Variants in UBN1 observed in about 807,000 individuals in gnomAD.
UBN1 encodes ubinuclein-1.
Under a neutral mutation model 108.5 loss-of-function variants are expected in UBN1, and 17 were observed. The observed-to-expected ratio is 0.16, with a 90% CI of 0.11 to 0.24. The LOEUF is 0.24. UBN1 is among the 10% of genes least tolerant of loss of function. The probability of loss-of-function intolerance (pLI) is 1.00; values close to 1 mark genes in which losing one functional copy is unlikely to be tolerated. For missense variants in UBN1, 1,595 were observed against 1,394.4 expected (o/e 1.14, Z -2.29); for synonymous variants, 726 against 564.2 (o/e 1.29, Z -4.07).
rs768175926 is a variant in UBN1, at chr16:4,853,260, C to A, written c.249+94C>A. 4.6e-5 allele frequency: 69 copies of A among 1,506,840 alleles called. No individual in the cohort carries two copies. In the African/African-American group the frequency reaches 8.3e-4, roughly 18 times the overall value. 93.3% of individuals were successfully genotyped at this position (1,506,840 alleles called of 1,614,324 possible). A position where few individuals can be genotyped will look rare whatever the true frequency, so the allele number is the denominator to read the frequency against. On this transcript the variant is annotated intron_variant, in intron 2 of 17. Coordinates refer to ENST00000262376, the MANE Select transcript of UBN1 (RefSeq NM_001079514.3). The stretch of plus-strand genomic sequence containing the variant: ...TCCGTAGCGGGGAAGCAAGACTTAA[C>A]TGAGGTTTTGGCTGCCCCAAGATCC...
At chr16:4,859,718 C>T (rs2086973036) in intron 5 of UBN1, 147 bp from the exon 6 acceptor site, 6 of 1,374,838 alleles carry the variant, frequency 4.4e-6, no homozygotes, top group Admixed American at 5.5e-5. Flanking sequence ...GGTTTGTGGT[C>T]CAGGGACTGA....
rs777720938 is a variant in UBN1, at chr16:4,870,981, A to G, written c.1559+9A>G. On this transcript the variant is annotated intron_variant, in intron 11 of 17. Transcript: ENST00000262376. ...TGGAATGATGAGATCAGGTGTGCCC[A>G]CACTGGGACTTGGCCTCTTTGGAGG... The G allele has an allele frequency of 1.1e-5, 18 of 1,613,810 alleles. No individual in the cohort carries two copies. The East Asian group carries it at 3.8e-4, about 34-fold the overall frequency.
At chr16:4,864,456 C>T (rs2087224983) in intron 7 of UBN1, among the ~76,000 whole-genome samples, 1 of 152,194 alleles carries the variant, frequency 6.6e-6, no homozygotes, top group Non-Finnish European at 1.5e-5. Flanking sequence ...GCCTCTGCCA[C>T]GTTCACTACA....
rs371976617 is a variant in UBN1 at position 4,874,435 on chromosome 16, C to T, written c.2025C>T (p.Ala675=). 2.3e-5 allele frequency: 37 copies of T among 1,613,964 alleles called. No homozygotes were observed. The highest frequency in any genetic ancestry group is 1.3e-4 in the African/African-American group (10 of 74,900). The change falls in exon 15 of 18, where the codon GCC becomes GCT. Residue 675 remains alanine, a synonymous_variant. Transcript: ENST00000262376. ...GCAATCCAGCCTCCTCGGTGGAAGC[C>T]GTGTCCAAGGAATTGGCTGCATTGA... ...LIRNPASSVE[A]VSKELAALNS... is the part of the protein sequence containing the mutation.
At chr16:4,873,417 T>G (rs539316339) in intron 14 of UBN1, among the ~76,000 whole-genome samples, 50 of 152,296 alleles carry the variant, frequency 3.3e-4, no homozygotes, top group African/African-American at 1.2e-3. Context: ...CAAGTGCAGT[T>G]TAGCTTGGAG....
rs776872588 is a variant in UBN1 at position 4,875,054 on chromosome 16, G to T, written c.2644G>T (p.Ala882Ser). The T allele has an allele frequency of 1.9e-6, 3 of 1,613,916 alleles. No individual in the cohort carries two copies. The Admixed American group carries it at 5.0e-5, about 27-fold the overall frequency. ...SHKTPASSSS[A>S]LSHPAKPHSV... ...CAAGACCCCAGCCTCGTCCTCTTCTGCCCTGAGCCATCCAGCAAAGCCACA... is the reference window on the plus strand; with the variant it reads ...CAAGACCCCAGCCTCGTCCTCTTCTTCCCTGAGCCATCCAGCAAAGCCACA... Residue 882 changes from alanine to serine, a missense_variant, in exon 15 of 18, where the codon GCC becomes TCC. Physicochemically the swap from Ala to Ser is moderately conservative, Grantham distance 99. This residue lies in a region of UBN1 where 1,398 missense variants were observed against 1,194.7 expected (regional missense o/e 1.17). Coordinates refer to ENST00000262376, the MANE Select transcript of UBN1 (RefSeq NM_001079514.3).
At chr16:4,862,197 C>T (rs571712596) in intron 7 of UBN1, among the ~76,000 whole-genome samples, 1 of 152,174 alleles carries the variant, frequency 6.6e-6, no homozygotes, top group African/African-American at 2.4e-5. Flanking sequence ...GTGATTCTTA[C>T]AGTATTTCAG....
In UBN1 at chr16:4,870,525, C is replaced by G. The variant is rs1388386707; in HGVS notation, c.1321C>G (p.Leu441Val). The G allele has an allele frequency of 3.1e-6, 5 of 1,614,130 alleles. No homozygotes were observed. Among genetic ancestry groups the G allele is most frequent in the Admixed American group, 3.3e-5 (2 of 60,012 alleles). Residue 441 changes from leucine to valine, a missense_variant, in exon 10 of 18, where the codon CTG becomes GTG. Leu to Val is a conservative substitution (Grantham distance 32). This residue lies in a region of UBN1 where 1,398 missense variants were observed against 1,194.7 expected (regional missense o/e 1.17). Coordinates refer to ENST00000262376, the MANE Select transcript of UBN1 (RefSeq NM_001079514.3). ...GTCCCGCTCTTCGCAGGGGGGCCGT[C>G]TGAAGGAGCCTCTCCAGAAGCTCAA... ...KLHLYEQGGR[L>V]KEPLQKLKEA... is the part of the protein sequence containing the mutation.
chr16:4,851,268 C>T (rs2086543303), intron 1 of UBN1, among the ~76,000 whole-genome samples: 1 of 152,142 alleles, frequency 6.6e-6, no homozygotes, highest in African/African-American at 2.4e-5. Context: ...AGTTCAAAAC[C>T]AGTCTGGGCA....
intron 1 of UBN1, among the ~76,000 whole-genome samples, chr16:4,850,287 C>G (rs984554207): frequency 1.2e-4 from 18 of 152,124 alleles, no homozygotes; most frequent in Non-Finnish European, 1.9e-4. Context: ...GTCACTTAAG[C>G]AACTGAAAGG....
At chr16:4,856,856 G>A (rs1281999996) in intron 2 of UBN1, among the ~76,000 whole-genome samples, 1 of 152,190 alleles carries the variant, frequency 6.6e-6, no homozygotes, top group Non-Finnish European at 1.5e-5. Context: ...TTAGATGTAT[G>A]CTCTATAATA....
chr16:4,871,673 A>G (rs2087643750), intron 12 of UBN1, among the ~76,000 whole-genome samples: 1 of 127,986 alleles, frequency 7.8e-6, no homozygotes, highest in Non-Finnish European at 1.5e-5. Context: ...TGCAAGCTCC[A>G]CCTCCCAGGT....
intron 17 of UBN1, among the ~76,000 whole-genome samples, chr16:4,878,096 C>G (rs1027405275): frequency 6.6e-6 from 1 of 152,144 alleles, no homozygotes; most frequent in South Asian, 2.1e-4. Flanking sequence ...TAGGGAACTT[C>G]TAAAAGCCTC....
Position 4,859,107 on chromosome 16 carries a change from C to T in UBN1, c.515C>T (p.Ala172Val). Reference protein sequence around the residue: ...INSGTLQFRQASESEDDFIKE... With the variant: ...INSGTLQFRQVSESEDDFIKE... ...TCGGGAACCCTGCAGTTTAGACAAG[C>T]ATCAGAGTCTGAAGATGACTTCATT... The change falls in exon 5 of 18, where the codon GCA (alanine) becomes GTA (valine). Residue 172 changes from alanine to valine, a missense_variant. By Grantham distance (64) the Ala-to-Val change is moderately conservative (BLOSUM62 0). Transcript: ENST00000262376. The T allele has an allele frequency of 1.2e-6, 2 of 1,614,186 alleles. No homozygotes were observed. Among genetic ancestry groups the T allele is most frequent in the Non-Finnish European group, 1.7e-6 (2 of 1,180,026 alleles).
intron 8 of UBN1, among the ~76,000 whole-genome samples, chr16:4,869,924 T>C (rs1339509855): frequency 6.6e-6 from 1 of 152,230 alleles, no homozygotes; most frequent in African/African-American, 2.4e-5. Context: ...ATGTTTTCTC[T>C]ATGAAATTTA....
At chr16:4,870,687 C>T (rs1348500410) in intron 10 of UBN1, 53 bp downstream of exon 10, 15 of 1,605,056 alleles carry the variant, frequency 9.3e-6, no homozygotes, top group Non-Finnish European at 1.2e-5. Flanking sequence ...GCCTCTTCCC[C>T]TCCCGTTTCT....
chr16:4,860,112 CA>C, intron 6 of UBN1, 144 bp downstream of exon 6: 2 of 935,560 alleles, frequency 2.1e-6, no homozygotes, highest in Non-Finnish European at 3.2e-6. Context: ...CCCGCAGTGC[CA>C]TTCTGGGCAT....
rs755111501 is a variant in UBN1 at position 4,872,865 on chromosome 16, G to C, written c.1707-19G>C. On this transcript the variant is annotated intron_variant, in intron 12 of 17. Coordinates refer to ENST00000262376, the MANE Select transcript of UBN1 (RefSeq NM_001079514.3). The stretch of plus-strand genomic sequence containing the variant: ...CTTTCTGGGGCATGTACAGATGCCT[G>C]GTGTTCTGTGTCTTTCAGAACTCTG... 2 of 1,614,076 alleles carry C rather than the reference G, an allele frequency of 1.2e-6. No individual in the cohort carries two copies. The highest frequency in any genetic ancestry group is 1.7e-6 in the Non-Finnish European group (2 of 1,179,962).
intron 1 of UBN1, among the ~76,000 whole-genome samples, chr16:4,850,919 G>C (rs559842690): frequency 2.0e-5 from 3 of 152,260 alleles, no homozygotes; most frequent in African/African-American, 7.2e-5. Context: ...TATAAAGAAG[G>C]ATAATAAACA....
Sources: allele counts gnomAD v4.1 joint callset (sites outside exome capture counted in the v4.1 genomes callset), GRCh38; gene constraint gnomAD v4.1.1; regional missense constraint gnomAD v4.1.1; transcripts MANE v1.5; gene names NCBI Gene and HGNC (gene_info 2026-07-23, HGNC 2026-07-21).